Variants in COL8A1 observed in about 807,000 individuals in gnomAD.
The protein encoded by COL8A1 is collagen type VIII alpha 1 chain, also known as collagen alpha-1(VIII) chain.
COL8A1 carries 21 observed loss-of-function variants against 42.7 expected under a neutral mutation model. The observed-to-expected ratio is 0.49, with a 90% CI of 0.35 to 0.71. COL8A1 has a LOEUF of 0.71. Among genes scored for constraint, COL8A1 ranks in the 30% least tolerant of loss-of-function variants. The probability of loss-of-function intolerance (pLI) is 0.01; values close to 1 mark genes in which losing one functional copy is unlikely to be tolerated. For synonymous variants in COL8A1, 367 were observed against 369.1 expected (o/e 0.99, Z 0.06); for missense variants, 788 against 962.4 (o/e 0.82, Z 2.40).
intron 1 of COL8A1, among the ~76,000 whole-genome samples, chr3:99,731,184 T>G (rs1940498430): frequency 6.6e-6 from 1 of 152,128 alleles, no homozygotes; most frequent in Admixed American, 6.6e-5. Context: ...GTAAGGAAGC[T>G]ATCACTGCTA....
At chr3:99,665,961 G>A (rs1208536478) in intron 1 of COL8A1, among the ~76,000 whole-genome samples, 1 of 151,940 alleles carries the variant, frequency 6.6e-6, no homozygotes, top group East Asian at 1.9e-4. Context: ...AAAGTGCTGG[G>A]ATTACAGGTG....
chr3:99,717,010 A>T (rs939089717), intron 1 of COL8A1, among the ~76,000 whole-genome samples: 1 of 152,010 alleles, frequency 6.6e-6, no homozygotes, highest in Admixed American at 6.6e-5. Context: ...TAGCAATGTT[A>T]TACCTCTGAA....
intron 2 of COL8A1, among the ~76,000 whole-genome samples, chr3:99,785,457 G>T (rs1238500738): frequency 6.6e-6 from 1 of 152,274 alleles, no homozygotes; most frequent in East Asian, 1.9e-4. Flanking sequence ...ATTTGACTTT[G>T]TATTAAACTT....
intron 1 of COL8A1, among the ~76,000 whole-genome samples, chr3:99,723,901 A>G (rs4928219): frequency 0.18 from 28,072 of 152,088 alleles, 2,739 homozygotes; most frequent in African/African-American, 0.23. Context: ...TCCAACCCAC[A>G]AACAGCATAT....
At chr3:99,791,247 A>C (rs187321530) in intron 3 of COL8A1, among the ~76,000 whole-genome samples, 1 of 152,376 alleles carries the variant, frequency 6.6e-6, no homozygotes, top group East Asian at 1.9e-4. Context: ...GAAATAAAAT[A>C]TATTAAATCA....
chr3:99,742,533 T>C (rs1940924652), intron 1 of COL8A1, among the ~76,000 whole-genome samples: 1 of 152,218 alleles, frequency 6.6e-6, no homozygotes, highest in South Asian at 2.1e-4. Context: ...ATCACATTAA[T>C]AGCAACAAAA....
chr3:99,774,695 G>A (rs1941657699), intron 2 of COL8A1, among the ~76,000 whole-genome samples: 1 of 152,166 alleles, frequency 6.6e-6, no homozygotes, highest in Admixed American at 6.5e-5. Context: ...AACTGACAGA[G>A]GGAAGGAGTC....
intron 2 of COL8A1, among the ~76,000 whole-genome samples, chr3:99,773,801 T>TTA (rs1188908494): frequency 7.7e-6 from 1 of 130,534 alleles, no homozygotes; most frequent in Non-Finnish European, 1.6e-5. Flanking sequence ...AAGTAGATGA[T>TTA]TATATATATG....
chr3:99,766,265 C>T (rs1030673359), intron 2 of COL8A1, among the ~76,000 whole-genome samples: 3 of 152,152 alleles, frequency 2.0e-5, no homozygotes, highest in African/African-American at 7.2e-5. Context: ...TAAGGTTACA[C>T]AGCTGATCAG....
At chr3:99,689,274 G>A (rs182975693) in intron 1 of COL8A1, among the ~76,000 whole-genome samples, 3 of 152,140 alleles carry the variant, frequency 2.0e-5, no homozygotes, top group African/African-American at 7.2e-5. Flanking sequence ...TTACATATGA[G>A]GCATTTAATT....
At chr3:99,645,655 A>G (rs1215552782) in intron 1 of COL8A1, among the ~76,000 whole-genome samples, 1 of 151,780 alleles carries the variant, frequency 6.6e-6, no homozygotes, top group Non-Finnish European at 1.5e-5. Flanking sequence ...AATGGCTAAA[A>G]TGTATGCCAT....
intron 2 of COL8A1, among the ~76,000 whole-genome samples, chr3:99,753,543 G>A (rs1456130341): frequency 6.6e-6 from 1 of 152,156 alleles, no homozygotes; most frequent in Non-Finnish European, 1.5e-5. Flanking sequence ...AGTTAGTACC[G>A]CTGCAGCTGA....
rs542634405 is a variant in COL8A1 at position 99,703,704 on chromosome 3, G to A, written c.-128-41193G>A. On this transcript the variant is annotated intron_variant, in intron 1 of 3. Transcript: ENST00000652472. ...TACCAGAACTGTCAACTGCAATACT[G>A]GAAGAGGGCCTTGCACATTTCTTTG... is the stretch of plus-strand genomic sequence containing the variant. 4.6e-5 allele frequency: 7 copies of A among 152,268 alleles called. No homozygotes were observed. In the South Asian group the frequency reaches 1.5e-3, roughly 32 times the overall value. 9.4% of individuals were successfully genotyped at this position (152,268 alleles called of 1,614,324 possible).
intron 1 of COL8A1, among the ~76,000 whole-genome samples, chr3:99,729,437 C>A (rs1940434675): frequency 6.6e-6 from 1 of 151,910 alleles, no homozygotes; most frequent in South Asian, 2.1e-4. Flanking sequence ...TAAATATGGT[C>A]ATGAGACCAT....
At chr3:99,683,989 T>A (rs1347122501) in intron 1 of COL8A1, among the ~76,000 whole-genome samples, 1 of 152,178 alleles carries the variant, frequency 6.6e-6, no homozygotes, top group Non-Finnish European at 1.5e-5. Context: ...GTTTGTTTTG[T>A]TCAGTTTTAG....
At chr3:99,698,470 T>G (rs934828266) in intron 1 of COL8A1, among the ~76,000 whole-genome samples, 1 of 152,212 alleles carries the variant, frequency 6.6e-6, no homozygotes, top group Non-Finnish European at 1.5e-5. Flanking sequence ...CAAATATTTA[T>G]GTAAGAGAAA....
At chr3:99,724,577 A>G (rs1004579870) in intron 1 of COL8A1, among the ~76,000 whole-genome samples, 8 of 152,006 alleles carry the variant, frequency 5.3e-5, no homozygotes, top group African/African-American at 1.9e-4. Flanking sequence ...TACAAAGATT[A>G]ATATTTCTTC....
At chr3:99,769,449 A>G (rs1401413157) in intron 2 of COL8A1, among the ~76,000 whole-genome samples, 1 of 152,220 alleles carries the variant, frequency 6.6e-6, no homozygotes, top group Non-Finnish European at 1.5e-5. Flanking sequence ...CTTCTTGGAA[A>G]AGGAAACTTT....
At chr3:99,680,774 C>G (rs1161430209) in intron 1 of COL8A1, among the ~76,000 whole-genome samples, 1 of 152,158 alleles carries the variant, frequency 6.6e-6, no homozygotes, top group Non-Finnish European at 1.5e-5. Flanking sequence ...CAGCATGGTA[C>G]TGGTACCAAA....
Sources: gnomAD v4.1 joint callset for allele counts (sites outside exome capture counted in the v4.1 genomes callset) on GRCh38, gnomAD v4.1.1 for gene constraint, MANE v1.5 for transcripts, NCBI Gene and HGNC (gene_info 2026-07-23, HGNC 2026-07-21) for gene names.